Variants in STARD13 observed in about 807,000 individuals in gnomAD.
STARD13 encodes StAR related lipid transfer domain containing 13.
A neutral mutation model predicts 106.4 loss-of-function variants in STARD13; 62 were observed. The ratio of observed to expected loss-of-function variants is 0.58; its 90% CI spans 0.48 to 0.72. The LOEUF is 0.72. Among genes scored for constraint, STARD13 ranks in the 30% least tolerant of loss-of-function variants. The pLI is 0.00. For synonymous variants in STARD13, 565 were observed against 553.0 expected (o/e 1.02, Z -0.31); for missense variants, 1,387 against 1,424.0 (o/e 0.97, Z 0.42).
intron 1 of STARD13, among the ~76,000 whole-genome samples, chr13:33,306,041 A>G (rs1009043142): frequency 6.6e-6 from 1 of 152,242 alleles, no homozygotes; most frequent in African/African-American, 2.4e-5. Context: ...CAGAAAGAAC[A>G]AAGCTGGAGA....
chr13:33,246,220 C>T (rs557551653), intron 1 of STARD13, among the ~76,000 whole-genome samples: 9 of 152,184 alleles, frequency 5.9e-5, no homozygotes, highest in Non-Finnish European at 8.8e-5. Flanking sequence ...TTAAGACATG[C>T]GCATCAAAGA....
the STARD13 span, among the ~76,000 whole-genome samples, chr13:33,597,355 C>T: frequency 3.3e-5 from 5 of 150,676 alleles, no homozygotes; most frequent in African/African-American, 1.2e-4. Context: ...TATTCAAATC[C>T]TTTGCCCATT....
rs866801702 is a variant in STARD13 at position 33,126,183 on chromosome 13, G to A, written c.1980C>T (p.Val660=). Residue 660 remains valine, a synonymous_variant, in exon 7 of 14, where the codon GTC becomes GTT. Transcript: ENST00000336934. ...CGTGGACTATGAGAGGAACGCCAAA[G>A]ACAGCCTTGTCTTTGTAGTCGGGAA... ...MKVPDYKDKA[V]FGVPLIVHVQ... 6.2e-7 allele frequency: 1 copy of A among 1,614,216 alleles called. No homozygotes were observed. Among genetic ancestry groups the A allele is most frequent in the African/African-American group, 1.3e-5 (1 of 75,050 alleles).
chr13:33,194,508 T>A (rs1886475456), intron 1 of STARD13, among the ~76,000 whole-genome samples: 1 of 152,218 alleles, frequency 6.6e-6, no homozygotes, highest in African/African-American at 2.4e-5. Context: ...TAATCAGCAT[T>A]TGTTTTTGAT....
chr13:33,190,175 G>A (rs1323131189), intron 1 of STARD13, among the ~76,000 whole-genome samples: 1 of 152,162 alleles, frequency 6.6e-6, no homozygotes, highest in African/African-American at 2.4e-5. Flanking sequence ...GGGTGTGATG[G>A]CTCATGCCTG....
the STARD13 span, among the ~76,000 whole-genome samples, chr13:33,412,599 T>C: frequency 6.6e-6 from 1 of 151,994 alleles, no homozygotes; most frequent in Admixed American, 6.6e-5. Flanking sequence ...AATATAACGA[T>C]ACAGGCAGGT....
the STARD13 span, among the ~76,000 whole-genome samples, chr13:33,585,178 G>GAA: frequency 6.6e-6 from 1 of 152,184 alleles, no homozygotes. Flanking sequence ...CACTGCTTGT[G>GAA]GGAGTGTAAA....
chr13:33,167,496 G>A, intron 2 of STARD13, 55 bp downstream of exon 2: 1 of 1,563,974 alleles, frequency 6.4e-7, no homozygotes, highest in Non-Finnish European at 8.8e-7. Context: ...CAGGATACGT[G>A]TGGTTCATTT....
At chr13:33,499,598 TTCTTCTTTCTTCTTCTTC>T in the STARD13 span, among the ~76,000 whole-genome samples, 5 of 57,414 alleles carry the variant, frequency 8.7e-5, no homozygotes, top group Admixed American at 1.9e-4. Context: ...CTTCTTCTTC[TTCTTCTTTCTTCTTCTTC>T]TTCTTCTTCT....
At chr13:33,209,569 G>A (rs975948287) in intron 1 of STARD13, among the ~76,000 whole-genome samples, 15 of 151,992 alleles carry the variant, frequency 9.9e-5, no homozygotes, top group African/African-American at 3.6e-4. Flanking sequence ...CAACAATTAG[G>A]ACAGATCTGC....
chr13:33,109,976 C>A lies in STARD13; in HGVS notation c.2944G>T (p.Val982Leu). 1 of 1,614,248 alleles carries A rather than the reference C, an allele frequency of 6.2e-7. No individual in the cohort carries two copies. The highest frequency in any genetic ancestry group is 2.2e-5 in the East Asian group (1 of 44,890). Residue 982 changes from valine (V) to leucine (L), a missense_variant, in exon 12 of 14, where the codon GTG (valine) becomes TTG (leucine). Transcript: ENST00000336934. ...RERHLWDEDF[V>L]QWKVVETLDR... ...AGAGTTTCCACAACCTTCCACTGCA[C>A]AAAGTCCTCGTCCCACAGGTGGCGC... is the stretch of plus-strand genomic sequence containing the variant.
At chr13:33,312,795 A>C (rs80048163) in intron 1 of STARD13, among the ~76,000 whole-genome samples, 3,394 of 152,282 alleles carry the variant, frequency 0.022, 137 homozygotes, top group African/African-American at 0.078. Context: ...CACAGAGACA[A>C]ATTTTATTTT....
the STARD13 span, among the ~76,000 whole-genome samples, chr13:33,359,814 A>G: frequency 6.6e-6 from 1 of 152,196 alleles, no homozygotes; most frequent in Non-Finnish European, 1.5e-5. Flanking sequence ...GTCAGATAAT[A>G]TATTATGATC....
chr13:33,535,876 C>T, the STARD13 span, among the ~76,000 whole-genome samples: 1 of 152,088 alleles, frequency 6.6e-6, no homozygotes, highest in Non-Finnish European at 1.5e-5. Context: ...GCATATTATA[C>T]AAGGCGAGAT....
intron 1 of STARD13, among the ~76,000 whole-genome samples, chr13:33,269,974 A>C (rs1437755184): frequency 1.3e-5 from 2 of 152,210 alleles, no homozygotes; most frequent in African/African-American, 4.8e-5. Context: ...AGTGGTTCAC[A>C]CCTGAAATCC....
the STARD13 span, among the ~76,000 whole-genome samples, chr13:33,597,296 T>C: frequency 2.3e-3 from 343 of 152,296 alleles, no homozygotes; most frequent in African/African-American, 8.1e-3. Context: ...ACATTGAATA[T>C]TTTTTTCATA....
At chr13:33,436,225 T>C in the STARD13 span, among the ~76,000 whole-genome samples, 4 of 152,356 alleles carry the variant, frequency 2.6e-5, no homozygotes, top group African/African-American at 9.6e-5. Flanking sequence ...TCAGATGTGA[T>C]TTTATTTTCC....
At chr13:33,342,965 A>G (rs1215384693) in intron 1 of STARD13, among the ~76,000 whole-genome samples, 1 of 152,202 alleles carries the variant, frequency 6.6e-6, no homozygotes, top group Non-Finnish European at 1.5e-5. Flanking sequence ...AATCTCTTCT[A>G]AGTAGCTCCA....
intron 1 of STARD13, among the ~76,000 whole-genome samples, chr13:33,332,811 A>G (rs1194513350): frequency 6.6e-6 from 1 of 152,152 alleles, no homozygotes; most frequent in Non-Finnish European, 1.5e-5. Flanking sequence ...CACCACTTGA[A>G]TAGAAGCTCA....
Sources: allele counts gnomAD v4.1 joint callset (sites outside exome capture counted in the v4.1 genomes callset), GRCh38; gene constraint gnomAD v4.1.1; transcripts MANE v1.5; gene names NCBI Gene and HGNC (gene_info 2026-07-23, HGNC 2026-07-21).